MACROD2: variants seen among roughly 807,000 people sequenced by gnomAD.
MACROD2 encodes the protein ADP-ribose glycohydrolase MACROD2.
Under a neutral mutation model 70.4 loss-of-function variants are expected in MACROD2, and 36 were observed. The ratio of observed to expected loss-of-function variants is 0.51; its 90% CI spans 0.39 to 0.68. The LOEUF is 0.68. MACROD2 is among the 30% of genes least tolerant of loss of function. The pLI is 0.00. For missense variants in MACROD2, 496 were observed against 538.4 expected (o/e 0.92, Z 0.78); for synonymous variants, 172 against 178.8 (o/e 0.96, Z 0.30).
intron 5 of MACROD2, among the ~76,000 whole-genome samples, chr20:14,756,196 A>G (rs936509692): frequency 1.3e-5 from 2 of 152,022 alleles, no homozygotes; most frequent in African/African-American, 4.8e-5. Context: ...CAATTCCTAA[A>G]TTATGTCAAG....
At chr20:15,210,756 C>T (rs937510951) in intron 5 of MACROD2, among the ~76,000 whole-genome samples, 4 of 152,002 alleles carry the variant, frequency 2.6e-5, no homozygotes, top group Non-Finnish European at 5.9e-5. Context: ...AAGTGTGTAG[C>T]ACCTCCATAC....
intron 2 of MACROD2, among the ~76,000 whole-genome samples, chr20:14,015,572 C>T (rs79109867): frequency 1.6e-4 from 24 of 152,300 alleles, no homozygotes; most frequent in African/African-American, 5.8e-4. Flanking sequence ...AGTAGACCTC[C>T]TCTCTTAAAA....
rs192516305 is a variant in MACROD2, at chr20:14,282,088, C to T, written c.271+196360C>T. 1.3e-3 allele frequency among the ~76,000 whole-genome samples: 197 copies of T among 151,978 alleles called. 1 individual carries two copies. The highest frequency in any genetic ancestry group is 4.5e-3 in the African/African-American group (187 of 41,472). On this transcript the variant is annotated intron_variant, in intron 3 of 17. Coordinates refer to ENST00000684519, the MANE Select transcript of MACROD2 (RefSeq NM_001351661.2). ...TTCTACATACCTTTTTGCTGTTTGGCTTCATGAGAATAATTGGATTCTATG... is the reference window on the plus strand; with the variant it reads ...TTCTACATACCTTTTTGCTGTTTGGTTTCATGAGAATAATTGGATTCTATG...
At chr20:15,145,988 C>T (rs1230765412) in intron 5 of MACROD2, among the ~76,000 whole-genome samples, 2 of 152,028 alleles carry the variant, frequency 1.3e-5, no homozygotes, top group Non-Finnish European at 2.9e-5. Flanking sequence ...TATGTACTCA[C>T]TAGCAACAAT....
chr20:15,858,601 A>T lies in MACROD2; in HGVS notation c.646-4144A>T, dbSNP rs78850928. Reference sequence around the variant, plus strand: ...AGTTATGTATTTTGATGGTTAGCTCATGAATTTGAAATCAGCATTTAGCAG... The same window carrying T: ...AGTTATGTATTTTGATGGTTAGCTCTTGAATTTGAAATCAGCATTTAGCAG... On this transcript the variant is annotated intron_variant, in intron 8 of 17. Coordinates refer to ENST00000684519, the MANE Select transcript of MACROD2 (RefSeq NM_001351661.2). Among the ~76,000 whole-genome samples the T allele has an allele frequency of 7.9e-4, 120 of 152,318 alleles. 1 individual carries two copies. The highest frequency in any genetic ancestry group is 7.7e-3 in the East Asian group (40 of 5,182).
intron 3 of MACROD2, among the ~76,000 whole-genome samples, chr20:14,261,810 T>C (rs2082103517): frequency 1.3e-5 from 2 of 152,296 alleles, no homozygotes; most frequent in South Asian, 4.1e-4. Flanking sequence ...TAATTCACAG[T>C]AGAGCATGTG....
intron 8 of MACROD2, among the ~76,000 whole-genome samples, chr20:15,763,879 C>T (rs1172109501): frequency 6.6e-6 from 1 of 152,194 alleles, no homozygotes; most frequent in East Asian, 1.9e-4. Context: ...TAAAAAGATA[C>T]ATGTTATGAT....
intron 8 of MACROD2, among the ~76,000 whole-genome samples, chr20:15,754,453 C>T (rs6043517): frequency 0.21 from 32,557 of 151,782 alleles, 4,933 homozygotes; most frequent in African/African-American, 0.43. Context: ...TGAAACCCCA[C>T]CTCTACTAAA....
intron 13 of MACROD2, among the ~76,000 whole-genome samples, chr20:15,971,717 T>C (rs1160616058): frequency 6.6e-6 from 1 of 152,072 alleles, no homozygotes; most frequent in Non-Finnish European, 1.5e-5. Flanking sequence ...ACACTAATAC[T>C]CTGGTTACTG....
intron 8 of MACROD2, among the ~76,000 whole-genome samples, chr20:15,834,692 A>G (rs565942771): frequency 1.6e-4 from 25 of 152,338 alleles, no homozygotes; most frequent in African/African-American, 5.5e-4. Flanking sequence ...GTTGGCACAT[A>G]TTAGACACTC....
intron 2 of MACROD2, among the ~76,000 whole-genome samples, chr20:14,031,231 T>C (rs2053243666): frequency 6.6e-6 from 1 of 152,228 alleles, no homozygotes; most frequent in Admixed American, 6.5e-5. Flanking sequence ...TTTCTCTCTC[T>C]GTGAGACAGA....
At chr20:15,506,506 C>G (rs959339376) in intron 8 of MACROD2, among the ~76,000 whole-genome samples, 1 of 152,144 alleles carries the variant, frequency 6.6e-6, no homozygotes, top group African/African-American at 2.4e-5. Flanking sequence ...TTTCCCCCTT[C>G]TTGGCAGAGG....
At chr20:15,817,099 T>C (rs1265861581) in intron 8 of MACROD2, among the ~76,000 whole-genome samples, 3 of 152,332 alleles carry the variant, frequency 2.0e-5, no homozygotes, top group East Asian at 3.9e-4. Context: ...TGTCTTGTTA[T>C]AGAACTTTTA....
chr20:14,250,268 G>T (rs905820078), intron 3 of MACROD2, among the ~76,000 whole-genome samples: 5 of 151,974 alleles, frequency 3.3e-5, no homozygotes, highest in Non-Finnish European at 5.9e-5. Context: ...GTAAATAATT[G>T]CTTTGTTGCC....
At chr20:15,069,869 GT>G (rs1313162064) in intron 5 of MACROD2, among the ~76,000 whole-genome samples, 4 of 152,190 alleles carry the variant, frequency 2.6e-5, no homozygotes, top group Admixed American at 6.5e-5. Context: ...AAAATGTGGG[GT>G]TGGAGCTACC....
chr20:15,566,498 CA>C (rs60445779), intron 8 of MACROD2, among the ~76,000 whole-genome samples: 20,254 of 137,858 alleles, frequency 0.15, 3,651 homozygotes, highest in African/African-American at 0.43. Flanking sequence ...ACTCTGTCTC[CA>C]AAAAAAAAAA....
At chr20:15,629,953 G>A (rs2049263979) in intron 8 of MACROD2, among the ~76,000 whole-genome samples, 1 of 152,190 alleles carries the variant, frequency 6.6e-6, no homozygotes, top group Non-Finnish European at 1.5e-5. Flanking sequence ...ATTTTCTTCT[G>A]TAAAATCTCC....
At chr20:14,737,971 A>G (rs188960330) in intron 5 of MACROD2, among the ~76,000 whole-genome samples, 35 of 152,230 alleles carry the variant, frequency 2.3e-4, no homozygotes, top group African/African-American at 7.5e-4. Flanking sequence ...TTAGTTGTTT[A>G]TTATGTCCTC....
intron 2 of MACROD2, among the ~76,000 whole-genome samples, chr20:14,046,933 G>A (rs537437265): frequency 1.2e-3 from 190 of 152,048 alleles, no homozygotes; most frequent in African/African-American, 4.4e-3. Flanking sequence ...TGGAAAATGG[G>A]TAAATAAACT....
Sources: allele counts gnomAD v4.1 joint callset (sites outside exome capture counted in the v4.1 genomes callset), GRCh38; gene constraint gnomAD v4.1.1; transcripts MANE v1.5; gene names NCBI Gene and HGNC (gene_info 2026-07-23, HGNC 2026-07-21).